The following CPQ variants were observed in gnomAD, a reference collection of about 807,000 sequenced individuals.
The protein encoded by CPQ is carboxypeptidase Q.
A neutral mutation model predicts 45.7 loss-of-function variants in CPQ; 37 were observed. That is an observed-to-expected ratio of 0.81 (90% confidence interval 0.62 to 1.07). The LOEUF (loss-of-function observed/expected upper bound fraction) is 1.07, where lower values mean the gene tolerates loss of function less well. Ranked by LOEUF, CPQ falls within the 50% of genes least tolerant of loss-of-function variation. CPQ has a pLI of 0.00. For missense variants in CPQ, 537 were observed against 572.9 expected, an observed-to-expected ratio of 0.94 and a Z score of 0.64; for synonymous variants, 186 against 205.8, an observed-to-expected ratio of 0.90 and a Z score of 0.82.
intron 3 of CPQ, among the ~76,000 whole-genome samples, chr8:96,852,400 G>A (rs1811782844): frequency 6.6e-6 from 1 of 152,126 alleles, no homozygotes; most frequent in Admixed American, 6.5e-5. Context: ...TTTTTCGTGT[G>A]TTCAATCGTA....
chr8:96,647,589 G>T (rs1815532290), intron 1 of CPQ, among the ~76,000 whole-genome samples: 1 of 152,146 alleles, frequency 6.6e-6, no homozygotes, highest in African/African-American at 2.4e-5. Flanking sequence ...AGACAATCCT[G>T]CCAGGAAAAA....
intron 3 of CPQ, among the ~76,000 whole-genome samples, chr8:96,877,559 G>T (rs1812162756): frequency 6.6e-6 from 1 of 152,144 alleles, no homozygotes; most frequent in East Asian, 1.9e-4. Context: ...GGTAATTTTT[G>T]GTCATTAATC....
At chr8:97,117,449 T>C (rs995443167) in intron 7 of CPQ, among the ~76,000 whole-genome samples, 2 of 152,192 alleles carry the variant, frequency 1.3e-5, no homozygotes, top group African/African-American at 2.4e-5. Flanking sequence ...GACAGTTGGT[T>C]ACCTTATCAT....
At chr8:96,975,959 A>G (rs56103848) in intron 5 of CPQ, among the ~76,000 whole-genome samples, 4,643 of 152,202 alleles carry the variant, frequency 0.031, 108 homozygotes, top group Non-Finnish European at 0.045. Flanking sequence ...CACCACTTCT[A>G]TTCAACATAG....
chr8:97,122,610 G>A (rs1811724847), intron 7 of CPQ, among the ~76,000 whole-genome samples: 1 of 152,034 alleles, frequency 6.6e-6, no homozygotes, highest in African/African-American at 2.4e-5. Flanking sequence ...TGTAAGCTGG[G>A]TGTGGTGGCT....
chr8:96,923,518 T>A lies in CPQ; in HGVS notation c.850-42417T>A, dbSNP rs544309880. 3.9e-5 allele frequency among the ~76,000 whole-genome samples: 6 copies of A among 152,330 alleles called. No individual in the cohort carries two copies. The East Asian group carries it at 9.7e-4, about 25-fold the overall frequency. The stretch of plus-strand genomic sequence containing the variant: ...ATGGCTCCAGTCTCAATTCTCCTCT[T>A]ATTTTATCCATTGTCCCCAGTAACA... On this transcript the variant is annotated intron_variant, in intron 4 of 7. Transcript: ENST00000220763.
intron 7 of CPQ, among the ~76,000 whole-genome samples, chr8:97,113,223 C>A (rs1025946520): frequency 2.0e-5 from 3 of 152,092 alleles, no homozygotes; most frequent in Non-Finnish European, 4.4e-5. Flanking sequence ...CCCAGAAAGA[C>A]CTTTTTTTGT....
intron 1 of CPQ, among the ~76,000 whole-genome samples, chr8:96,730,031 A>G (rs1809890208): frequency 1.3e-5 from 2 of 152,226 alleles, no homozygotes; most frequent in South Asian, 4.1e-4. Context: ...GACACCCTGT[A>G]CAGGGAGGAC....
At chr8:96,677,232 C>A (rs916341147) in intron 1 of CPQ, among the ~76,000 whole-genome samples, 1 of 152,082 alleles carries the variant, frequency 6.6e-6, no homozygotes, top group African/African-American at 2.4e-5. Context: ...ACTTTTTGTT[C>A]TTTAAGGAAT....
Position 97,122,912 on chromosome 8 carries a change from TA to T in CPQ, c.1256-20104del, listed in dbSNP as rs1397239253. On this transcript the variant is annotated intron_variant, in intron 7 of 7. Coordinates refer to ENST00000220763, the MANE Select transcript of CPQ (RefSeq NM_016134.4). ...TAAAATAAAATAAAATAAAATAAAA[TA>T]AAATAAAATAAAATAAATAAAATAA... Among the ~76,000 whole-genome samples the T allele has an allele frequency of 5.4e-3, 350 of 64,298 alleles. 2 individuals are homozygous for T. The highest frequency in any genetic ancestry group is 0.034 in the African/African-American group (322 of 9,342). 42.2% of individuals were successfully genotyped at this position (64,298 alleles called of 152,430 possible). A position where few individuals can be genotyped will look rare whatever the true frequency, so the allele number is the denominator to read the frequency against.
At chr8:96,843,059 C>G (rs956341929) in intron 3 of CPQ, among the ~76,000 whole-genome samples, 27 of 152,066 alleles carry the variant, frequency 1.8e-4, no homozygotes, top group African/African-American at 5.6e-4. Flanking sequence ...GCACCCGCCA[C>G]CACGTCCAGC....
chr8:96,980,905 T>A (rs1813882690), intron 5 of CPQ, among the ~76,000 whole-genome samples: 1 of 152,218 alleles, frequency 6.6e-6, no homozygotes, highest in South Asian at 2.1e-4. Context: ...TCTGAGGACA[T>A]GGGGATGCAC....
chr8:97,054,906 C>G (rs1810425917), intron 6 of CPQ, among the ~76,000 whole-genome samples: 1 of 152,202 alleles, frequency 6.6e-6, no homozygotes, highest in Non-Finnish European at 1.5e-5. Context: ...AACCACTGTA[C>G]CCCTAAAGTT....
chr8:96,709,784 T>C (rs1320745962), intron 1 of CPQ, among the ~76,000 whole-genome samples: 1 of 152,192 alleles, frequency 6.6e-6, no homozygotes, highest in Non-Finnish European at 1.5e-5. Context: ...TTCGATTTGC[T>C]AGTACTTTGT....
chr8:97,003,501 T>C (rs1445890705), intron 5 of CPQ, among the ~76,000 whole-genome samples: 2 of 152,186 alleles, frequency 1.3e-5, no homozygotes, highest in Non-Finnish European at 2.9e-5. Context: ...CCTGAAAGTC[T>C]TGACTTATTC....
At chr8:96,880,460 C>G (rs929155896) in intron 4 of CPQ, among the ~76,000 whole-genome samples, 9 of 147,692 alleles carry the variant, frequency 6.1e-5, no homozygotes, top group Non-Finnish European at 8.9e-5. Context: ...ATAGCAAAGA[C>G]ATGGAATCAA....
chr8:97,109,728 G>A (rs960414929), intron 7 of CPQ, among the ~76,000 whole-genome samples: 1 of 152,062 alleles, frequency 6.6e-6, no homozygotes, highest in Non-Finnish European at 1.5e-5. Context: ...TATGGAATAT[G>A]TACTCAGCGC....
At chr8:96,807,485 G>A (rs192294175) in intron 2 of CPQ, among the ~76,000 whole-genome samples, 45 of 152,106 alleles carry the variant, frequency 3.0e-4, no homozygotes, top group Admixed American at 2.7e-3. Flanking sequence ...CACCCGCCTG[G>A]ACCTCCCAAA....
intron 4 of CPQ, among the ~76,000 whole-genome samples, chr8:96,913,801 G>T (rs1812697868): frequency 6.6e-6 from 1 of 152,182 alleles, no homozygotes; most frequent in African/African-American, 2.4e-5. Flanking sequence ...ACAAGATATT[G>T]TGGTTATTTA....
Sources: gnomAD v4.1 joint callset for allele counts (sites outside exome capture counted in the v4.1 genomes callset) on GRCh38, gnomAD v4.1.1 for gene constraint, MANE v1.5 for transcripts, NCBI Gene and HGNC (gene_info 2026-07-23, HGNC 2026-07-21) for gene names.